Variants in MLLT3 observed in about 807,000 individuals in gnomAD.
MLLT3 encodes the protein protein AF-9.
MLLT3 carries 4 observed loss-of-function variants against 53.2 expected under a neutral mutation model. The observed-to-expected ratio is 0.08, with a 90% CI of 0.04 to 0.17. The LOEUF (loss-of-function observed/expected upper bound fraction) is 0.17. MLLT3 is among the 10% of genes least tolerant of loss of function. The pLI, the probability that MLLT3 is intolerant of heterozygous loss-of-function variation, is 1.00. For missense variants in MLLT3, 569 were observed against 684.0 expected, an observed-to-expected ratio of 0.83 and a Z score of 1.87; for synonymous variants, 283 against 230.6, an observed-to-expected ratio of 1.23 and a Z score of -2.06.
At chr9:20,489,739 G>C (rs779827915) in intron 2 of MLLT3, among the ~76,000 whole-genome samples, 1 of 152,162 alleles carries the variant, frequency 6.6e-6, no homozygotes, top group Non-Finnish European at 1.5e-5. Flanking sequence ...TCCAATGACA[G>C]TAAGTCTGTC....
chr9:20,548,378 C>T (rs555384239), intron 2 of MLLT3, among the ~76,000 whole-genome samples: 46 of 152,316 alleles, frequency 3.0e-4, no homozygotes, highest in African/African-American at 9.9e-4. Flanking sequence ...TAACCTCCTC[C>T]GCAAGGAAGA....
intron 3 of MLLT3, among the ~76,000 whole-genome samples, chr9:20,451,784 T>C (rs1221427142): frequency 1.3e-5 from 2 of 152,222 alleles, no homozygotes; most frequent in Admixed American, 6.5e-5. Context: ...TGACATTTAC[T>C]CTCTCTTTTC....
intron 5 of MLLT3, among the ~76,000 whole-genome samples, chr9:20,373,757 A>G (rs1463658969): frequency 6.6e-6 from 1 of 152,194 alleles, no homozygotes; most frequent in Non-Finnish European, 1.5e-5. Context: ...TCACCTAGAA[A>G]AAGAACACCT....
intron 9 of MLLT3, 39 bp from the exon 10 acceptor site, chr9:20,353,635 T>C (rs1437316911): frequency 6.6e-7 from 1 of 1,519,128 alleles, no homozygotes; most frequent in Non-Finnish European, 9.1e-7. Flanking sequence ...ACAAGCACTT[T>C]AAGTAGTAGT....
intron 5 of MLLT3, among the ~76,000 whole-genome samples, chr9:20,411,446 C>G (rs1822725647): frequency 6.6e-6 from 1 of 152,088 alleles, no homozygotes; most frequent in Non-Finnish European, 1.5e-5. Flanking sequence ...GAACCAATAG[C>G]AACAACAATA....
chr9:20,583,766 T>C (rs1010274551), intron 2 of MLLT3, among the ~76,000 whole-genome samples: 70 of 152,236 alleles, frequency 4.6e-4, no homozygotes, highest in African/African-American at 1.5e-3. Context: ...GCACACAGCA[T>C]GGGGACCCTG....
intron 2 of MLLT3, among the ~76,000 whole-genome samples, chr9:20,582,488 A>G (rs916674497): frequency 2.6e-5 from 4 of 152,192 alleles, no homozygotes; most frequent in African/African-American, 7.2e-5. Flanking sequence ...TTGAAGTCAT[A>G]TAATATGTAG....
chr9:20,545,055 A>G (rs11998831), intron 2 of MLLT3, among the ~76,000 whole-genome samples: 1 of 130,884 alleles, frequency 7.6e-6, no homozygotes, highest in Admixed American at 9.4e-5. Context: ...TGATCACGCC[A>G]CTGCAATCCA....
chr9:20,619,130 G>A (rs1052258072), intron 2 of MLLT3, among the ~76,000 whole-genome samples: 4 of 152,062 alleles, frequency 2.6e-5, no homozygotes, highest in Non-Finnish European at 5.9e-5. Context: ...ATTTGACATC[G>A]CTCATCCTTA....
intron 4 of MLLT3, among the ~76,000 whole-genome samples, chr9:20,433,686 C>T (rs1279721924): frequency 6.6e-6 from 1 of 152,070 alleles, no homozygotes; most frequent in African/African-American, 2.4e-5. Context: ...TACTAAATAA[C>T]TGGCCTGAAG....
chr9:20,528,673 T>C (rs1250346886), intron 2 of MLLT3, among the ~76,000 whole-genome samples: 1 of 152,242 alleles, frequency 6.6e-6, no homozygotes, highest in Non-Finnish European at 1.5e-5. Flanking sequence ...CCTCTGTGTG[T>C]CTGTCAAATC....
At chr9:20,427,292 T>A (rs1347333676) in intron 4 of MLLT3, among the ~76,000 whole-genome samples, 2 of 145,532 alleles carry the variant, frequency 1.4e-5, no homozygotes, top group Non-Finnish European at 3.0e-5. Context: ...AAGAAACAAA[T>A]ACGACTTTAA....
At chr9:20,383,079 AT>A (rs1821943579) in intron 5 of MLLT3, among the ~76,000 whole-genome samples, 2 of 151,810 alleles carry the variant, frequency 1.3e-5, no homozygotes, top group Admixed American at 1.3e-4. Context: ...CTTCAGTAAC[AT>A]TTTCCAGTAA....
chr9:20,448,108 G>A lies in MLLT3; in HGVS notation c.420+15C>T. 1 of 1,600,818 alleles carries A rather than the reference G, an allele frequency of 6.2e-7. No individual in the cohort carries two copies. On this transcript the variant is annotated intron_variant, in intron 4 of 10. Transcript: ENST00000380338. This position sits in a 1 kb window ranked among gnomAD's most constrained non-coding sequence, Gnocchi z 4.0. ...TTTTTAATAGGAATGCTTTTCACAA[G>A]AGAGTGCCACTTACCCCTCCTGCCT... is the stretch of plus-strand genomic sequence containing the variant.
intron 2 of MLLT3, among the ~76,000 whole-genome samples, chr9:20,578,446 G>C (rs1357063222): frequency 1.3e-5 from 2 of 152,078 alleles, no homozygotes; most frequent in Non-Finnish European, 2.9e-5. Flanking sequence ...GGGAGGCAGA[G>C]GTGGGAGGAC....
At chr9:20,365,527 C>T (rs1563938046) in intron 6 of MLLT3, 142 bp downstream of exon 6, 14 of 931,472 alleles carry the variant, frequency 1.5e-5, no homozygotes, top group Non-Finnish European at 2.3e-5. Flanking sequence ...TTAGTAGAGA[C>T]GTTTACTAAA....
intron 2 of MLLT3, among the ~76,000 whole-genome samples, chr9:20,555,068 C>T (rs957446143): frequency 1.3e-5 from 2 of 152,118 alleles, no homozygotes; most frequent in African/African-American, 4.8e-5. Flanking sequence ...AGAAGTGTTT[C>T]GTGAAGCTAA....
intron 2 of MLLT3, among the ~76,000 whole-genome samples, chr9:20,599,141 TA>T (rs778507181): frequency 6.6e-6 from 1 of 151,920 alleles, no homozygotes; most frequent in Non-Finnish European, 1.5e-5. Context: ...CTGTCTCTAC[TA>T]AAAATACAAA....
chr9:20,546,295 T>C (rs1818787284), intron 2 of MLLT3, among the ~76,000 whole-genome samples: 1 of 151,960 alleles, frequency 6.6e-6, no homozygotes, highest in African/African-American at 2.4e-5. Context: ...AAAAAATAAA[T>C]AAATAAATAA....
Sources: allele counts gnomAD v4.1 joint callset (sites outside exome capture counted in the v4.1 genomes callset), GRCh38; gene constraint gnomAD v4.1.1; non-coding constraint Gnocchi (gnomAD v3.1); transcripts MANE v1.5; gene names NCBI Gene and HGNC (gene_info 2026-07-23, HGNC 2026-07-21).